EGFR: variants seen among roughly 807,000 people sequenced by gnomAD.
EGFR encodes epidermal growth factor receptor, also known as avian erythroblastic leukemia viral (v-erb-b) oncogene homolog.
Under a neutral mutation model 143.0 loss-of-function variants are expected in EGFR, and 58 were observed. The ratio of observed to expected loss-of-function variants is 0.41; its 90% CI spans 0.33 to 0.50. EGFR has a LOEUF of 0.50. Among genes scored for constraint, EGFR ranks in the 20% least tolerant of loss-of-function variants. The probability of loss-of-function intolerance (pLI) is 0.39; values close to 1 mark genes in which losing one functional copy is unlikely to be tolerated. For missense variants in EGFR, 1,307 were observed against 1,579.0 expected, an observed-to-expected ratio of 0.83 and a Z score of 2.92; for synonymous variants, 613 against 594.4, an observed-to-expected ratio of 1.03 and a Z score of -0.45.
At chr7:55,180,902 G>A in intron 19 of EGFR, 2 of 327,552 alleles carry the variant, frequency 6.1e-6, no homozygotes, top group South Asian at 2.9e-5. Context: ...GATTCCTACA[G>A]GCCCTCATGA....
At chr7:55,088,442 C>T (rs943869855) in intron 1 of EGFR, among the ~76,000 whole-genome samples, 1 of 152,180 alleles carries the variant, frequency 6.6e-6, no homozygotes, top group Non-Finnish European at 1.5e-5. Context: ...TGTGCAACTC[C>T]CTTTTGGTAA....
chr7:55,117,518 T>C (rs1242287764), intron 1 of EGFR, among the ~76,000 whole-genome samples: 1 of 152,188 alleles, frequency 6.6e-6, no homozygotes, highest in Admixed American at 6.5e-5. Context: ...TATTTGATAC[T>C]AGCAGAGCTG....
intron 1 of EGFR, among the ~76,000 whole-genome samples, chr7:55,022,308 G>T (rs962534204): frequency 4.6e-5 from 7 of 152,104 alleles, no homozygotes; most frequent in Non-Finnish European, 8.8e-5. Context: ...AAATAAGCCC[G>T]CCCAGCCCCA....
intron 1 of EGFR, among the ~76,000 whole-genome samples, chr7:55,070,623 G>C (rs1319608916): frequency 6.6e-6 from 1 of 152,252 alleles, no homozygotes; most frequent in Admixed American, 6.5e-5. Flanking sequence ...GCCTGTCACA[G>C]ATTAGACGAC....
At position 55,173,083 on chromosome 7, in the gene EGFR, G is replaced by T. The variant is rs17337079; in HGVS notation, c.2020G>T (p.Val674Phe). ...CCTCTTCATGCGAAGGCGCCACATCGTTCGGAAGCGCACGCTGCGGAGGCT... is the reference window on the plus strand; with the variant it reads ...CCTCTTCATGCGAAGGCGCCACATCTTTCGGAAGCGCACGCTGCGGAGGCT... The part of the protein sequence containing the change: ...IGLFMRRRHI[V>F]RKRTLRRLLQ... The change falls in exon 17 of 28, where the codon GTT becomes TTT. Residue 674 changes from valine to phenylalanine, a missense_variant. Physicochemically the swap from Val to Phe is conservative, Grantham distance 50 (BLOSUM62 -1). Coordinates refer to ENST00000275493, the MANE Select transcript of EGFR (RefSeq NM_005228.5). 4 of 1,612,792 alleles carry T rather than the reference G, an allele frequency of 2.5e-6. No individual in the cohort carries two copies. Among genetic ancestry groups the T allele is most frequent in the Admixed American group, 1.7e-5 (1 of 60,006 alleles).
chr7:55,054,769 C>T (rs971050960), intron 1 of EGFR, among the ~76,000 whole-genome samples: 12 of 152,204 alleles, frequency 7.9e-5, no homozygotes, highest in African/African-American at 2.7e-4. Context: ...ATGGCTGTGC[C>T]TCTGCTTCCT....
chr7:55,054,197 A>G (rs961845213), intron 1 of EGFR, among the ~76,000 whole-genome samples: 15 of 152,282 alleles, frequency 9.9e-5, no homozygotes, highest in African/African-American at 3.1e-4. Flanking sequence ...TATACCTGGC[A>G]CTGCACGCTT....
At chr7:55,064,897 A>T (rs1457914525) in intron 1 of EGFR, among the ~76,000 whole-genome samples, 1 of 152,222 alleles carries the variant, frequency 6.6e-6, no homozygotes, top group Non-Finnish European at 1.5e-5. Flanking sequence ...ATATACCAAT[A>T]GCCCAAGAGA....
intron 14 of EGFR, among the ~76,000 whole-genome samples, chr7:55,164,316 CCCTCTCACACCAAATGT>C (rs1785858753): frequency 6.6e-6 from 1 of 152,036 alleles, no homozygotes; most frequent in Non-Finnish European, 1.5e-5. Flanking sequence ...GAATTCGGGC[CCCTCTCACACCAAATGT>C]CCTGATGTTG....
chr7:55,082,394 G>T (rs201132198), intron 1 of EGFR, among the ~76,000 whole-genome samples: 9 of 151,894 alleles, frequency 5.9e-5, no homozygotes, highest in Admixed American at 5.9e-4. Context: ...TGGCTTGTTT[G>T]TTTCCCTTGT....
At chr7:55,145,289 C>T (rs1345645249) in intron 3 of EGFR, among the ~76,000 whole-genome samples, 1 of 152,182 alleles carries the variant, frequency 6.6e-6, no homozygotes, top group Non-Finnish European at 1.5e-5. Context: ...TGTTTCCAGC[C>T]CTGTCCTCTC....
chr7:55,071,669 CT>C (rs1358848716), intron 1 of EGFR, among the ~76,000 whole-genome samples: 1 of 152,208 alleles, frequency 6.6e-6, no homozygotes, highest in Non-Finnish European at 1.5e-5. Flanking sequence ...ACACGCACAG[CT>C]CCCAAGGACT....
intron 1 of EGFR, among the ~76,000 whole-genome samples, chr7:55,022,907 G>C (rs77533561): frequency 6.6e-6 from 1 of 152,192 alleles, no homozygotes; most frequent in South Asian, 2.1e-4. Context: ...TTTAGAAGTA[G>C]TCTCAGCAAA....
At chr7:55,165,643 G>T (rs1337973507) in intron 15 of EGFR, among the ~76,000 whole-genome samples, 1 of 152,158 alleles carries the variant, frequency 6.6e-6, no homozygotes, top group Non-Finnish European at 1.5e-5. Flanking sequence ...CATGCACCGT[G>T]TCCCCGGCCG....
chr7:55,027,992 ATATATATATATATATATAT>A (rs1462976941), intron 1 of EGFR, among the ~76,000 whole-genome samples: 25 of 44,690 alleles, frequency 5.6e-4, no homozygotes, highest in Admixed American at 2.4e-3. Context: ...AAAAAAAAAA[ATATATATATATATATATAT>A]ATATATATAT....
At chr7:55,071,171 G>C (rs2128883922) in intron 1 of EGFR, among the ~76,000 whole-genome samples, 1 of 152,330 alleles carries the variant, frequency 6.6e-6, no homozygotes, top group South Asian at 2.1e-4. Context: ...AAAGGAATTT[G>C]GAGGGTTGGT....
rs1788114066 is a variant in EGFR at position 55,206,615 on chromosome 7, A to G, written c.*998A>G. 4.3e-6 allele frequency: 1 copy of G among 233,210 alleles called. No homozygotes were observed. The highest frequency in any genetic ancestry group is 8.5e-6 in the Non-Finnish European group (1 of 118,068). The allele number at this position is 233,210 out of a possible 1,614,324, so 14.4% of individuals were successfully genotyped here. A position where few individuals can be genotyped will look rare whatever the true frequency, so the allele number is the denominator to read the frequency against. Reference sequence around the variant, plus strand: ...CCTTTGGGGCATAGATCAGAAGACTACAAAAATGAAGCTGCTCTGAAATCT... The same window carrying G: ...CCTTTGGGGCATAGATCAGAAGACTGCAAAAATGAAGCTGCTCTGAAATCT... On this transcript the variant is annotated 3_prime_UTR_variant, in exon 28 of 28. Transcript: ENST00000275493.
intron 1 of EGFR, among the ~76,000 whole-genome samples, chr7:55,101,691 A>G (rs1791837808): frequency 6.6e-6 from 1 of 152,206 alleles, no homozygotes; most frequent in Non-Finnish European, 1.5e-5. Flanking sequence ...TAGGAGTAAC[A>G]AGTCTGTCTG....
At chr7:55,098,505 C>T (rs1183059901) in intron 1 of EGFR, among the ~76,000 whole-genome samples, 1 of 151,830 alleles carries the variant, frequency 6.6e-6, no homozygotes, top group Non-Finnish European at 1.5e-5. Flanking sequence ...GAAAAAAAAA[C>T]CTTAAGGCAT....
Sources: gnomAD v4.1 joint callset for allele counts (sites outside exome capture counted in the v4.1 genomes callset) on GRCh38, gnomAD v4.1.1 for gene constraint, MANE v1.5 for transcripts, NCBI Gene and HGNC (gene_info 2026-07-23, HGNC 2026-07-21) for gene names.